Variants in HSD17B11 observed in about 807,000 individuals in gnomAD.
HSD17B11 encodes estradiol 17-beta-dehydrogenase 11.
In HSD17B11, 22 loss-of-function variants were observed where a neutral mutation model predicts 27.8. The observed-to-expected ratio is 0.79, with a 90% CI of 0.56 to 1.13. The LOEUF is 1.13. Among genes scored for constraint, HSD17B11 ranks in the 50% most tolerant of loss-of-function variants. The pLI, the probability that HSD17B11 is intolerant of heterozygous loss-of-function variation, is 0.00. For synonymous variants in HSD17B11, 117 were observed against 132.8 expected (o/e 0.88, Z 0.82); for missense variants, 314 against 351.1 (o/e 0.89, Z 0.84).
chr4:87,339,299 C>T (rs374010598), intron 6 of HSD17B11, among the ~76,000 whole-genome samples: 4 of 152,344 alleles, frequency 2.6e-5, no homozygotes, highest in African/African-American at 9.6e-5. Context: ...GCATGTTCAT[C>T]ATAGTTTTTA....
chr4:87,355,611 C>T (rs527566546), intron 5 of HSD17B11, among the ~76,000 whole-genome samples: 5 of 152,104 alleles, frequency 3.3e-5, no homozygotes, highest in South Asian at 2.1e-4. Flanking sequence ...AATTAAAAAT[C>T]TCTAGAGCTC....
At chr4:87,382,208 C>G in intron 2 of HSD17B11, 47 bp downstream of exon 2, 1 of 1,395,610 alleles carries the variant, frequency 7.2e-7, no homozygotes, top group Non-Finnish European at 1.0e-6. Context: ...TCCAAAACAC[C>G]TCCTAGCTCT....
chr4:87,374,489 AATTT>A, intron 3 of HSD17B11: 1 of 375,482 alleles, frequency 2.7e-6, no homozygotes, highest in East Asian at 5.7e-5. Context: ...ATTTATTATT[AATTT>A]ATTATTGTTA....
intron 4 of HSD17B11, among the ~76,000 whole-genome samples, chr4:87,370,187 T>C (rs904856917): frequency 2.0e-5 from 3 of 152,110 alleles, no homozygotes; most frequent in Non-Finnish European, 2.9e-5. Context: ...TCCCAAAAAC[T>C]AGGCGTCAGA....
intron 4 of HSD17B11, among the ~76,000 whole-genome samples, chr4:87,369,942 G>C (rs1735677800): frequency 6.6e-6 from 1 of 152,138 alleles, no homozygotes; most frequent in Admixed American, 6.5e-5. Context: ...TTTTAGAATA[G>C]AATCAAAAGC....
chr4:87,357,948 A>ATTTTTTTTTTTTTTTTTTTT lies in HSD17B11; in HGVS notation c.558-533_558-532insAAAAAAAAAAAAAAAAAAAA, dbSNP rs748955521. ...TTTGTAACTGAACATTCATTAGAGA[A>ATTTTTTTTTTTTTTTTTTTT]ATTTTTTTTTTTTTTTTTTTTTTTT... On this transcript the variant is annotated intron_variant, in intron 4 of 6. Coordinates refer to ENST00000358290, the MANE Select transcript of HSD17B11 (RefSeq NM_016245.5). Among the ~76,000 whole-genome samples the ATTTTTTTTTTTTTTTTTTTT allele has an allele frequency of 9.2e-5, 9 of 97,390 alleles. 1 individual carries two copies. Among genetic ancestry groups the ATTTTTTTTTTTTTTTTTTTT allele is most frequent in the Non-Finnish European group, 1.2e-4 (6 of 49,844 alleles). 63.9% of individuals were successfully genotyped at this position (97,390 alleles called of 152,430 possible). A position where few individuals can be genotyped will look rare whatever the true frequency, so the allele number is the denominator to read the frequency against.
intron 4 of HSD17B11, among the ~76,000 whole-genome samples, chr4:87,364,108 G>T (rs182521373): frequency 6.6e-6 from 1 of 151,908 alleles, no homozygotes; most frequent in Non-Finnish European, 1.5e-5. Context: ...CTGGAAAAAG[G>T]TTTTTTCTTC....
chr4:87,370,278 A>T (rs1735682877), intron 4 of HSD17B11, among the ~76,000 whole-genome samples: 1 of 152,242 alleles, frequency 6.6e-6, no homozygotes. Flanking sequence ...TGTGTGAATA[A>T]CAGGAAGTGG....
intron 1 of HSD17B11, among the ~76,000 whole-genome samples, chr4:87,384,482 C>T (rs1720253875): frequency 6.6e-6 from 1 of 152,160 alleles, no homozygotes; most frequent in African/African-American, 2.4e-5. Context: ...TTGCAGACAG[C>T]CTATAAACGG....
intron 1 of HSD17B11, among the ~76,000 whole-genome samples, chr4:87,390,498 C>T (rs1003219629): frequency 6.6e-6 from 1 of 152,206 alleles, no homozygotes. Context: ...GTAGGACTTT[C>T]TCTTAATAGG....
At chr4:87,359,818 A>G (rs1231834538) in intron 4 of HSD17B11, among the ~76,000 whole-genome samples, 1 of 152,232 alleles carries the variant, frequency 6.6e-6, no homozygotes, top group Non-Finnish European at 1.5e-5. Context: ...ACGTGTGGGT[A>G]GTAAACCAGG....
rs1285962980 is a variant in HSD17B11 at position 87,336,754 on chromosome 4, G to A, written c.*522C>T. 1.3e-5 allele frequency: 2 copies of A among 153,856 alleles called. No homozygotes were observed. The highest frequency in any genetic ancestry group is 4.8e-5 in the African/African-American group (2 of 41,404). 9.5% of individuals were successfully genotyped at this position (153,856 alleles called of 1,614,324 possible). A position where few individuals can be genotyped will look rare whatever the true frequency, so the allele number is the denominator to read the frequency against. ...AGAAATGTTTGGCATTGGAATGTGA[G>A]GTATCTCTCAGGAAACAGAGTGGCA... is the stretch of plus-strand genomic sequence containing the variant. On this transcript the variant is annotated 3_prime_UTR_variant, in exon 7 of 7. Transcript: ENST00000358290.
At chr4:87,370,753 TTA>T (rs199788505) in intron 4 of HSD17B11, among the ~76,000 whole-genome samples, 91 of 4,122 alleles carry the variant, frequency 0.022, 6 homozygotes, top group African/African-American at 0.16. Context: ...ATTATTATTA[TTA>T]TTTTTTTTTT....
At chr4:87,340,396 C>T (rs1025024032) in intron 6 of HSD17B11, 94 bp downstream of exon 6, 13 of 763,912 alleles carry the variant, frequency 1.7e-5, no homozygotes, top group Non-Finnish European at 2.5e-5. Context: ...TTTAACTGTA[C>T]TTTATCAACT....
chr4:87,370,720 ATATTATTAT>A (rs1165770162), intron 4 of HSD17B11, among the ~76,000 whole-genome samples: 26 of 75,366 alleles, frequency 3.4e-4, no homozygotes, highest in South Asian at 1.5e-3. Context: ...CCTGGCCTAG[ATATTATTAT>A]TATTATTATT....
Position 87,347,113 on chromosome 4 carries a change from TTTC to T in HSD17B11, c.696-6510_696-6508del, listed in dbSNP as rs1440574030. On this transcript the variant is annotated intron_variant, in intron 5 of 6. Coordinates refer to ENST00000358290, the MANE Select transcript of HSD17B11 (RefSeq NM_016245.5). ...TTTTTAGTATTCTGGATTTTTTTTT[TTTC>T]TTTTTTTTTTTTTTTTTTTTATTAT... Among the ~76,000 whole-genome samples, 142 of 72,846 alleles carry T rather than the reference TTTC, an allele frequency of 1.9e-3. 6 individuals carry two copies. Among genetic ancestry groups the T allele is most frequent in the African/African-American group, 2.7e-3 (27 of 10,040 alleles). The allele number at this position is 72,846 out of a possible 152,430, so 47.8% of individuals were successfully genotyped here.
intron 1 of HSD17B11, 146 bp downstream of exon 1, chr4:87,390,715 C>T (rs149677134): frequency 1.2e-4 from 81 of 653,198 alleles, no homozygotes; most frequent in African/African-American, 8.7e-4. Context: ...CATATTAATT[C>T]ATGCCCTCCC....
intron 5 of HSD17B11, among the ~76,000 whole-genome samples, chr4:87,342,191 T>G (rs1735181708): frequency 6.6e-6 from 1 of 152,048 alleles, no homozygotes; most frequent in African/African-American, 2.4e-5. Context: ...GAGACCAGCC[T>G]GGCCAACATG....
chr4:87,372,926 T>C (rs1248718968), intron 3 of HSD17B11, 111 bp from the exon 4 acceptor site: 2 of 664,918 alleles, frequency 3.0e-6, no homozygotes, highest in East Asian at 5.6e-5. Context: ...CTGTCATAAA[T>C]GAAAAAAACA....
Sources: allele counts gnomAD v4.1 joint callset (sites outside exome capture counted in the v4.1 genomes callset), GRCh38; gene constraint gnomAD v4.1.1; transcripts MANE v1.5; gene names NCBI Gene and HGNC (gene_info 2026-07-23, HGNC 2026-07-21).